The following C2orf92 variants were observed in gnomAD, a reference collection of about 807,000 sequenced individuals.
C2orf92 encodes uncharacterized protein C2orf92.
chr2:97,682,755 ACCC>A (rs1441915244), intron 3 of C2orf92, among the ~76,000 whole-genome samples: 1 of 151,702 alleles, frequency 6.6e-6, no homozygotes, highest in Non-Finnish European at 1.5e-5. Context: ...AAAATTCAAC[ACCC>A]TTTCATGATT....
Position 97,699,473 on chromosome 2 carries a change from G to A in C2orf92, c.514+337G>A, listed in dbSNP as rs1426510917. 2.9e-4 allele frequency among the ~76,000 whole-genome samples: 44 copies of A among 152,052 alleles called. 1 individual carries two copies. Among genetic ancestry groups the A allele is most frequent in the Admixed American group, 2.9e-3 (44 of 15,272 alleles). On this transcript the variant is annotated intron_variant, in intron 6 of 7. Coordinates refer to ENST00000627399, the MANE Select transcript of C2orf92 (RefSeq NM_001351368.2). ...AAAAATTAGCTGGGCATGGTGGCGG[G>A]TGCCTGTAATCGCAGCTACTCGGGA...
intron 3 of C2orf92, among the ~76,000 whole-genome samples, chr2:97,682,309 G>T: frequency 6.6e-6 from 1 of 152,148 alleles, no homozygotes; most frequent in African/African-American, 2.4e-5. Flanking sequence ...TAAGGAGAAT[G>T]AATCAGTAAT....
intron 5 of C2orf92, among the ~76,000 whole-genome samples, chr2:97,690,762 G>T (rs1350999985): frequency 2.0e-5 from 3 of 149,204 alleles, no homozygotes; most frequent in Non-Finnish European, 4.5e-5. Flanking sequence ...GAGAGTACAA[G>T]AGAGTACTTG....
intron 5 of C2orf92, chr2:97,698,229 G>A (rs905483721): frequency 3.3e-5 from 5 of 152,214 alleles, no homozygotes; most frequent in Admixed American, 1.3e-4. Flanking sequence ...GTTCCCCAGA[G>A]CTTCTCAAAA....
intron 7 of C2orf92, among the ~76,000 whole-genome samples, chr2:97,701,575 C>T (rs541738601): frequency 6.6e-6 from 1 of 152,306 alleles, no homozygotes; most frequent in Admixed American, 6.5e-5. Flanking sequence ...TTAGGCCAGA[C>T]CTGTCCCCAT....
At chr2:97,699,927 A>G (rs912994504) in intron 6 of C2orf92, among the ~76,000 whole-genome samples, 3 of 152,226 alleles carry the variant, frequency 2.0e-5, no homozygotes, top group Non-Finnish European at 4.4e-5. Context: ...AGGAGGCTGG[A>G]CATGCCCTGT....
At chr2:97,692,862 T>C (rs1251752866) in intron 5 of C2orf92, among the ~76,000 whole-genome samples, 1 of 152,232 alleles carries the variant, frequency 6.6e-6, no homozygotes, top group Non-Finnish European at 1.5e-5. Flanking sequence ...GCCTCTTGAG[T>C]TTCCTGATTA....
intron 5 of C2orf92, 61 bp downstream of exon 5, chr2:97,690,388 T>TC (rs1162053576): frequency 1.4e-5 from 5 of 369,014 alleles, no homozygotes; most frequent in Non-Finnish European, 2.4e-5. Context: ...TTTTTCCTCT[T>TC]TTTTTTTTTT....
At chr2:97,694,947 C>A (rs1306643617) in intron 5 of C2orf92, among the ~76,000 whole-genome samples, 7 of 152,126 alleles carry the variant, frequency 4.6e-5, no homozygotes, top group African/African-American at 1.7e-4. Context: ...ATTTGTATAT[C>A]TTCTTTGGAA....
At chr2:97,697,601 G>C (rs1676352564) in intron 5 of C2orf92, among the ~76,000 whole-genome samples, 1 of 152,222 alleles carries the variant, frequency 6.6e-6, no homozygotes, top group African/African-American at 2.4e-5. Flanking sequence ...TCTAAGCCAA[G>C]TTGAATAAGG....
At chr2:97,665,523 G>A (rs1675176416), upstream of C2orf92, among the ~76,000 whole-genome samples, 1 of 151,896 alleles carries the variant, frequency 6.6e-6, no homozygotes, top group African/African-American at 2.4e-5. Flanking sequence ...AAAGCAAGAG[G>A]GGGAACACAC....
chr2:97,683,165 G>C (rs1675837631), intron 3 of C2orf92, among the ~76,000 whole-genome samples: 1 of 149,486 alleles, frequency 6.7e-6, no homozygotes, highest in Non-Finnish European at 1.5e-5. Context: ...GGTACAAATT[G>C]AACACACAAA....
At chr2:97,671,859 C>T (rs1264866623) in intron 1 of C2orf92, 1 of 203,486 alleles carries the variant, frequency 4.9e-6, no homozygotes, top group Non-Finnish European at 9.8e-6. Flanking sequence ...CATGAAAACC[C>T]CTGGGGCAAT....
chr2:97,698,912 C>G (rs1435536527), intron 5 of C2orf92, 114 bp from the exon 6 acceptor site: 5 of 395,280 alleles, frequency 1.3e-5, no homozygotes, highest in South Asian at 1.4e-4. Context: ...GACTTTTCCC[C>G]CAAGTCCTCC....
chr2:97,664,670 A>G (rs1026943743), intron 1 of C2orf92: 2 of 152,172 alleles, frequency 1.3e-5, no homozygotes, highest in African/African-American at 4.8e-5. Flanking sequence ...AAAGTTTTCA[A>G]TTAGCAATAA....
chr2:97,675,586 A>T (rs1468330093), intron 2 of C2orf92: 1 of 356,436 alleles, frequency 2.8e-6, no homozygotes, highest in African/African-American at 2.1e-5. Flanking sequence ...TAAACCTGCC[A>T]TGTGCACAAA....
intron 5 of C2orf92, among the ~76,000 whole-genome samples, chr2:97,691,373 G>A (rs190490114): frequency 5.9e-5 from 9 of 152,288 alleles, no homozygotes; most frequent in Non-Finnish European, 1.3e-4. Flanking sequence ...GGCAGTGGCT[G>A]AGCACATTCC....
chr2:97,671,624 G>C lies in C2orf92; in HGVS notation c.46+1790G>C, dbSNP rs534372518. ...GGGAAGGCAGGTGCTCTTCCTTGAG[G>C]CTAGAATCTGTCTACGTGTCACAGT... On this transcript the variant is annotated intron_variant, in intron 1 of 7. Coordinates refer to ENST00000627399, the MANE Select transcript of C2orf92 (RefSeq NM_001351368.2). 1.3e-5 allele frequency: 5 copies of C among 396,802 alleles called. No individual in the cohort carries two copies. The South Asian group carries it at 6.5e-4, about 52-fold the overall frequency. 24.6% of individuals were successfully genotyped at this position (396,802 alleles called of 1,614,324 possible).
At chr2:97,690,727 C>G (rs1676105656) in intron 5 of C2orf92, among the ~76,000 whole-genome samples, 1 of 150,128 alleles carries the variant, frequency 6.7e-6, no homozygotes, top group East Asian at 2.0e-4. Flanking sequence ...GAGGGTCTGG[C>G]AGATGGTGCT....
Sources: allele counts gnomAD v4.1 joint callset (sites outside exome capture counted in the v4.1 genomes callset), GRCh38; gene constraint gnomAD v4.1.1; transcripts MANE v1.5; gene names NCBI Gene and HGNC (gene_info 2026-07-23, HGNC 2026-07-21).